Variants in CCDC152 observed in about 807,000 individuals in gnomAD.
The protein encoded by CCDC152 is coiled-coil domain containing 152, also known as coiled-coil domain-containing protein 152.
Under a neutral mutation model 38.1 loss-of-function variants are expected in CCDC152, and 37 were observed. The observed-to-expected ratio is 0.97, with a 90% CI of 0.75 to 1.28. The LOEUF is 1.28. Ranked by LOEUF, CCDC152 falls within the 50% of genes most tolerant of loss-of-function variation. CCDC152 has a pLI of 0.00. For missense variants in CCDC152, 259 were observed against 292.1 expected, an observed-to-expected ratio of 0.89 and a Z score of 0.83; for synonymous variants, 83 against 87.1, an observed-to-expected ratio of 0.95 and a Z score of 0.26.
At chr5:42,787,605 C>A (rs1759939644) in intron 6 of CCDC152, among the ~76,000 whole-genome samples, 1 of 151,936 alleles carries the variant, frequency 6.6e-6, no homozygotes, top group African/African-American at 2.4e-5. Flanking sequence ...CTTGTTAAGT[C>A]TTTTTGTTGA....
At chr5:42,766,499 G>A (rs915463414) in intron 3 of CCDC152, among the ~76,000 whole-genome samples, 2 of 152,098 alleles carry the variant, frequency 1.3e-5, no homozygotes, top group African/African-American at 4.8e-5. Context: ...GCCAAGATTT[G>A]GAAGAAACCT....
Position 42,800,907 on chromosome 5 carries a change from C to T in CCDC152, c.*1126C>T. On this transcript the variant is annotated 3_prime_UTR_variant, in exon 9 of 9. Coordinates refer to ENST00000361970, the MANE Select transcript of CCDC152 (RefSeq NM_001134848.2). ...ACATAAAGATGGGAGGTTTTCTTTA[C>T]ACTGTCAGGTGATTGCAGACCCTGT... is the stretch of plus-strand genomic sequence containing the variant. 1 of 1,614,200 alleles carries T rather than the reference C, an allele frequency of 6.2e-7. No individual in the cohort carries two copies. Among genetic ancestry groups the T allele is most frequent in the Non-Finnish European group, 8.5e-7 (1 of 1,180,026 alleles).
At chr5:42,769,491 A>G (rs72552397) in intron 3 of CCDC152, 106 bp from the exon 4 acceptor site, 27,581 of 1,267,728 alleles carry the variant, frequency 0.022, 368 homozygotes, top group Middle Eastern at 0.051. Context: ...GGCACACATC[A>G]CCATGCCTGG....
intron 8 of CCDC152, 55 bp from the exon 9 acceptor site, chr5:42,799,604 C>T: frequency 7.4e-7 from 1 of 1,347,234 alleles, no homozygotes. Context: ...TTTTGTTGTT[C>T]CTTGTACTAA....
In CCDC152 at chr5:42,787,114, A is replaced by G. The variant is rs144183582; in HGVS notation, c.430+3538A>G. Among the ~76,000 whole-genome samples, 200 of 152,174 alleles carry G rather than the reference A, an allele frequency of 1.3e-3. 1 individual carries two copies. Among genetic ancestry groups the G allele is most frequent in the African/African-American group, 4.6e-3 (191 of 41,552 alleles). Reference sequence around the variant, plus strand: ...TCTATGCACAGATGAGAAAAAATGTATATTCTGCAGTTGTTGAGTGGAATG... The same window carrying G: ...TCTATGCACAGATGAGAAAAAATGTGTATTCTGCAGTTGTTGAGTGGAATG... On this transcript the variant is annotated intron_variant, in intron 6 of 8. Coordinates refer to ENST00000361970, the MANE Select transcript of CCDC152 (RefSeq NM_001134848.2).
intron 7 of CCDC152, among the ~76,000 whole-genome samples, chr5:42,797,448 ACTAATT>A (rs1222099446): frequency 1.3e-5 from 2 of 152,090 alleles, no homozygotes; most frequent in Non-Finnish European, 2.9e-5. Flanking sequence ...TCTCCAACTT[ACTAATT>A]CTATCTTTAG....
rs148225690 is a variant in CCDC152, at chr5:42,760,303, CAAA to C, written c.87+1113_87+1115del. Among the ~76,000 whole-genome samples, 326 of 105,780 alleles carry C rather than the reference CAAA, an allele frequency of 3.1e-3. 1 individual carries two copies. Among genetic ancestry groups the C allele is most frequent in the Non-Finnish European group, 4.5e-3 (234 of 52,012 alleles). The allele number at this position is 105,780 out of a possible 152,430, so 69.4% of individuals were successfully genotyped here. The stretch of plus-strand genomic sequence containing the variant: ...TGGGCGACAGAGCGAGACTCCGTCT[CAAA>C]AAAAAAAAAAAAAAAAAGAAAGCCT... On this transcript the variant is annotated intron_variant, in intron 2 of 8. Transcript: ENST00000361970.
intron 6 of CCDC152, among the ~76,000 whole-genome samples, chr5:42,789,072 G>A (rs985297527): frequency 6.6e-6 from 1 of 152,246 alleles, no homozygotes; most frequent in African/African-American, 2.4e-5. Context: ...TCTTTCCTCA[G>A]GAAGTTCCTA....
Position 42,800,829 on chromosome 5 carries a change from C to T in CCDC152, c.*1048C>T, listed in dbSNP as rs760084196. 2.4e-5 allele frequency: 39 copies of T among 1,614,088 alleles called. No individual in the cohort carries two copies. The highest frequency in any genetic ancestry group is 6.6e-5 in the South Asian group (6 of 91,088). Reference sequence around the variant, plus strand: ...TATTTGTCAGGCAGCTGGAGGCAAACGTCACTGACAAGATTCAGTTATGTT... The same window carrying T: ...TATTTGTCAGGCAGCTGGAGGCAAATGTCACTGACAAGATTCAGTTATGTT... On this transcript the variant is annotated 3_prime_UTR_variant, in exon 9 of 9. Coordinates refer to ENST00000361970, the MANE Select transcript of CCDC152 (RefSeq NM_001134848.2).
intron 3 of CCDC152, among the ~76,000 whole-genome samples, chr5:42,769,380 C>G (rs1374489254): frequency 6.6e-6 from 1 of 151,874 alleles, no homozygotes; most frequent in Non-Finnish European, 1.5e-5. Context: ...CTCTGTCACT[C>G]AGGCTGGAGT....
Position 42,774,489 on chromosome 5 carries a change from C to A in CCDC152, c.262+4824C>A, listed in dbSNP as rs10078817. Among the ~76,000 whole-genome samples the A allele has an allele frequency of 2.0e-5, 3 of 152,196 alleles. 1 individual carries two copies. In the South Asian group the frequency reaches 6.2e-4, roughly 32 times the overall value. ...GAGCCTAAACTACTGGGGTTTTAGC[C>A]GAGGATAAGCTGCCTTAGGGGAGGA... On this transcript the variant is annotated intron_variant, in intron 4 of 8. Coordinates refer to ENST00000361970, the MANE Select transcript of CCDC152 (RefSeq NM_001134848.2).
intron 5 of CCDC152, among the ~76,000 whole-genome samples, chr5:42,779,803 G>T (rs1316061574): frequency 6.6e-6 from 1 of 151,432 alleles, no homozygotes; most frequent in African/African-American, 2.4e-5. Flanking sequence ...CAGTTATTTT[G>T]CTACATAATT....
At chr5:42,772,484 T>TA (rs558729520) in intron 4 of CCDC152, among the ~76,000 whole-genome samples, 14 of 150,490 alleles carry the variant, frequency 9.3e-5, no homozygotes, top group Middle Eastern at 3.5e-3. Flanking sequence ...CCGCCTCTAC[T>TA]AAAAAAAAAT....
chr5:42,762,934 A>G (rs1241168317), intron 3 of CCDC152, among the ~76,000 whole-genome samples: 1 of 152,236 alleles, frequency 6.6e-6, no homozygotes, highest in African/African-American at 2.4e-5. Flanking sequence ...TGTGTTAAAA[A>G]TGAATCTGTA....
chr5:42,795,350 T>C (rs896208749), intron 6 of CCDC152, among the ~76,000 whole-genome samples: 2 of 152,048 alleles, frequency 1.3e-5, no homozygotes, highest in Non-Finnish European at 2.9e-5. Context: ...ACCAGGGAAA[T>C]AAAACAACAA....
chr5:42,763,943 T>C (rs980164631), intron 3 of CCDC152, among the ~76,000 whole-genome samples: 5 of 152,212 alleles, frequency 3.3e-5, no homozygotes, highest in Non-Finnish European at 5.9e-5. Context: ...ATTTGTACTT[T>C]TGACTCTAAA....
At position 42,796,572 on chromosome 5, in the gene CCDC152, C is replaced by T. The variant is rs1280313147; in HGVS notation, c.431-257C>T. 2.6e-5 allele frequency among the ~76,000 whole-genome samples: 4 copies of T among 152,254 alleles called. No homozygotes were observed. In the East Asian group the frequency reaches 7.7e-4, roughly 29 times the overall value. ...AACCACTGTATCTCCCATTTATTTT[C>T]CAGGCCTTTGATGTTTAATAGTTTA... On this transcript the variant is annotated intron_variant, in intron 6 of 8. Transcript: ENST00000361970.
At chr5:42,779,019 T>C (rs146780434) in intron 4 of CCDC152, among the ~76,000 whole-genome samples, 1 of 152,274 alleles carries the variant, frequency 6.6e-6, no homozygotes, top group East Asian at 1.9e-4. Context: ...TTTTCCAAGC[T>C]ATATTCACTC....
intron 1 of CCDC152, among the ~76,000 whole-genome samples, chr5:42,757,247 G>T (rs1012863080): frequency 6.6e-6 from 1 of 152,184 alleles, no homozygotes; most frequent in Non-Finnish European, 1.5e-5. Flanking sequence ...GGAGCCAGGG[G>T]ACCCAGGCTT....
Sources: gnomAD v4.1 joint callset for allele counts (sites outside exome capture counted in the v4.1 genomes callset) on GRCh38, gnomAD v4.1.1 for gene constraint, MANE v1.5 for transcripts, NCBI Gene and HGNC (gene_info 2026-07-23, HGNC 2026-07-21) for gene names.